DLG2: variants seen among roughly 807,000 people sequenced by gnomAD.
DLG2 encodes discs large MAGUK scaffold protein 2.
DLG2 carries 45 observed loss-of-function variants against 132.5 expected under a neutral mutation model. That is an observed-to-expected ratio of 0.34 (90% confidence interval 0.27 to 0.44). DLG2 has a LOEUF of 0.44. Ranked by LOEUF, DLG2 falls within the 20% of genes least tolerant of loss-of-function variation. The pLI is 1.00. For synonymous variants in DLG2, 424 were observed against 419.6 expected (o/e 1.01, Z -0.13); for missense variants, 1,045 against 1,196.9 (o/e 0.87, Z 1.87).
chr11:84,328,263 GAGGA>G (rs1015937919), intron 7 of DLG2, among the ~76,000 whole-genome samples: 4 of 151,884 alleles, frequency 2.6e-5, no homozygotes, highest in African/African-American at 9.7e-5. Context: ...GGAAAAAAAG[GAGGA>G]AGGAAGGAAG....
chr11:84,820,741 G>C (rs1299637782), intron 6 of DLG2, among the ~76,000 whole-genome samples: 2 of 135,274 alleles, frequency 1.5e-5, no homozygotes, highest in Non-Finnish European at 3.3e-5. Flanking sequence ...TTTTTTTTTT[G>C]AGAAGCCGAG....
intron 18 of DLG2, among the ~76,000 whole-genome samples, chr11:83,645,083 G>A (rs1013551303): frequency 1.3e-5 from 2 of 152,130 alleles, no homozygotes; most frequent in Non-Finnish European, 2.9e-5. Flanking sequence ...AGATGGGAAT[G>A]GAGAAGGGAC....
rs181633820 is a variant in DLG2, at chr11:83,982,422, G to A, written c.920-1780C>T. On this transcript the variant is annotated intron_variant, in intron 11 of 27. Coordinates refer to ENST00000376104, the MANE Select transcript of DLG2 (RefSeq NM_001142699.3). ...ATGATACTGATGATCCTGACCCTGG[G>A]TAGGCCTAGGCTAATGTGTGTGTTT... 2.0e-3 allele frequency among the ~76,000 whole-genome samples: 300 copies of A among 149,350 alleles called. 1 individual carries two copies. The highest frequency in any genetic ancestry group is 0.01 in the Middle Eastern group (3 of 288).
At chr11:84,821,115 A>G (rs2077623397) in intron 6 of DLG2, among the ~76,000 whole-genome samples, 2 of 151,928 alleles carry the variant, frequency 1.3e-5, no homozygotes, top group Non-Finnish European at 2.9e-5. Context: ...GTATGTTTTA[A>G]ATTTTTACTT....
chr11:84,913,503 A>G (rs1024324282), intron 6 of DLG2, among the ~76,000 whole-genome samples: 2 of 152,220 alleles, frequency 1.3e-5, no homozygotes, highest in African/African-American at 2.4e-5. Flanking sequence ...TTACTTTTCA[A>G]AAAGAGAATA....
At chr11:85,389,311 A>G (rs2086607020) in intron 3 of DLG2, among the ~76,000 whole-genome samples, 1 of 152,192 alleles carries the variant, frequency 6.6e-6, no homozygotes, top group African/African-American at 2.4e-5. Flanking sequence ...ACAACAAAGA[A>G]AAAATAATTT....
intron 15 of DLG2, among the ~76,000 whole-genome samples, chr11:83,879,725 T>A (rs1207053254): frequency 2.6e-5 from 4 of 152,162 alleles, no homozygotes; most frequent in Admixed American, 2.0e-4. Context: ...TTATACCCAA[T>A]AAATGTTAAT....
intron 3 of DLG2, among the ~76,000 whole-genome samples, chr11:85,316,305 C>T (rs1361659766): frequency 6.6e-6 from 1 of 151,978 alleles, no homozygotes; most frequent in African/African-American, 2.4e-5. Flanking sequence ...CTCTCATAAA[C>T]TAGAAAGACA....
chr11:84,347,264 A>C (rs2016830), intron 7 of DLG2, among the ~76,000 whole-genome samples: 48,412 of 152,022 alleles, frequency 0.32, 9,960 homozygotes, highest in African/African-American at 0.59. Flanking sequence ...ATGTGTGACC[A>C]CTTGAGAATA....
chr11:85,528,410 C>G (rs924693209), intron 3 of DLG2, among the ~76,000 whole-genome samples: 3 of 152,114 alleles, frequency 2.0e-5, no homozygotes, highest in Admixed American at 2.0e-4. Flanking sequence ...ATATGGCTAG[C>G]CAGTTTGCAC....
At chr11:84,358,441 C>G (rs146774464) in intron 7 of DLG2, among the ~76,000 whole-genome samples, 1 of 150,502 alleles carries the variant, frequency 6.6e-6, no homozygotes, top group African/African-American at 2.4e-5. Context: ...GATTTCCATG[C>G]CTTCATTTTC....
intron 4 of DLG2, among the ~76,000 whole-genome samples, chr11:85,167,246 C>T (rs2078519570): frequency 1.3e-5 from 2 of 152,106 alleles, no homozygotes; most frequent in African/African-American, 4.8e-5. Context: ...GAGTCAGATC[C>T]CAGTTGTACT....
intron 2 of DLG2, among the ~76,000 whole-genome samples, chr11:85,604,438 A>C (rs1335729733): frequency 6.6e-6 from 1 of 152,232 alleles, no homozygotes; most frequent in Non-Finnish European, 1.5e-5. Flanking sequence ...GGATCTTTTC[A>C]TACAAATTAA....
chr11:84,148,126 T>C (rs189033540), intron 9 of DLG2, among the ~76,000 whole-genome samples: 19 of 152,144 alleles, frequency 1.2e-4, no homozygotes. Flanking sequence ...CTTTCCACCA[T>C]TTTTATTTTT....
At chr11:83,503,343 T>TTA (rs1384091708) in intron 21 of DLG2, among the ~76,000 whole-genome samples, 1 of 70,782 alleles carries the variant, frequency 1.4e-5, no homozygotes, top group African/African-American at 4.2e-5. Flanking sequence ...ATATATATAT[T>TTA]TATATATATA....
intron 18 of DLG2, among the ~76,000 whole-genome samples, chr11:83,668,567 C>T (rs180750099): frequency 5.3e-5 from 8 of 151,700 alleles, no homozygotes; most frequent in African/African-American, 7.3e-5. Flanking sequence ...TAATTGTACT[C>T]ATATGCTATT....
At chr11:83,666,235 T>C (rs2075521220) in intron 18 of DLG2, among the ~76,000 whole-genome samples, 2 of 152,232 alleles carry the variant, frequency 1.3e-5, no homozygotes. Flanking sequence ...GTATTTGTTG[T>C]TCTTATCCCT....
intron 6 of DLG2, among the ~76,000 whole-genome samples, chr11:84,755,302 T>A (rs1311044250): frequency 6.6e-6 from 1 of 152,246 alleles, no homozygotes; most frequent in African/African-American, 2.4e-5. Flanking sequence ...TAAATTTTTG[T>A]AGAATGTTAC....
chr11:83,568,755 A>C (rs2096749750), intron 19 of DLG2, among the ~76,000 whole-genome samples: 1 of 152,170 alleles, frequency 6.6e-6, no homozygotes, highest in Non-Finnish European at 1.5e-5. Flanking sequence ...AAAAATGTCC[A>C]ATAGATAATT....
Sources: allele counts gnomAD v4.1 joint callset (sites outside exome capture counted in the v4.1 genomes callset), GRCh38; gene constraint gnomAD v4.1.1; transcripts MANE v1.5; gene names NCBI Gene and HGNC (gene_info 2026-07-23, HGNC 2026-07-21).